Variants in DSCAM observed in about 807,000 individuals in gnomAD.
DSCAM encodes DS cell adhesion molecule.
In DSCAM, 47 loss-of-function variants were observed where a neutral mutation model predicts 217.7. That is an observed-to-expected ratio of 0.22 (90% CI 0.17 to 0.28). The LOEUF (loss-of-function observed/expected upper bound fraction) is 0.28. Ranked by LOEUF, DSCAM falls within the 10% of genes least tolerant of loss-of-function variation. The probability of loss-of-function intolerance (pLI) is 1.00; values close to 1 mark genes in which losing one functional copy is unlikely to be tolerated. For synonymous variants in DSCAM, 1,056 were observed against 1,015.3 expected, an observed-to-expected ratio of 1.04 and a Z score of -0.76; for missense variants, 2,080 against 2,618.3, an observed-to-expected ratio of 0.79 and a Z score of 4.49.
intron 17 of DSCAM, among the ~76,000 whole-genome samples, chr21:40,143,710 G>A (rs1204166891): frequency 6.6e-6 from 1 of 152,168 alleles, no homozygotes; most frequent in Admixed American, 6.5e-5. Flanking sequence ...AGAATGGCGT[G>A]AACCCGGGAG....
intron 4 of DSCAM, among the ~76,000 whole-genome samples, chr21:40,364,660 C>A (rs1487264164): frequency 3.4e-5 from 5 of 147,420 alleles, no homozygotes; most frequent in African/African-American, 1.3e-4. Flanking sequence ...CACGTGTACC[C>A]TAAAACTTAA....
At chr21:40,778,150 G>A (rs537597452) in intron 1 of DSCAM, among the ~76,000 whole-genome samples, 13 of 152,276 alleles carry the variant, frequency 8.5e-5, no homozygotes, top group Admixed American at 2.0e-4. Context: ...TAAAGGATAT[G>A]CTTCAAGAAA....
intron 11 of DSCAM, among the ~76,000 whole-genome samples, chr21:40,189,808 C>T (rs2090936185): frequency 6.6e-6 from 1 of 152,154 alleles, no homozygotes; most frequent in Non-Finnish European, 1.5e-5. Flanking sequence ...GCCTCCCCAG[C>T]CACATGGAAC....
At chr21:40,230,482 CCAGT>C (rs1354531964) in intron 11 of DSCAM, among the ~76,000 whole-genome samples, 4 of 152,088 alleles carry the variant, frequency 2.6e-5, no homozygotes, top group Non-Finnish European at 5.9e-5. Flanking sequence ...GTCGATGGGA[CCAGT>C]CATAGTGGCC....
chr21:40,167,410 T>G (rs2146773814), intron 15 of DSCAM, 122 bp from the exon 16 acceptor site: 1 of 777,990 alleles, frequency 1.3e-6, no homozygotes, highest in Non-Finnish European at 2.2e-6. Context: ...AGAAAGAAGT[T>G]TTTAGCGGTC....
intron 3 of DSCAM, among the ~76,000 whole-genome samples, chr21:40,606,406 A>G (rs2089238992): frequency 6.6e-6 from 1 of 152,222 alleles, no homozygotes; most frequent in African/African-American, 2.4e-5. Flanking sequence ...TCCAGATTTT[A>G]TGTTACCTTT....
chr21:40,724,730 C>T (rs555446724), intron 1 of DSCAM, among the ~76,000 whole-genome samples: 68 of 152,294 alleles, frequency 4.5e-4, no homozygotes, highest in African/African-American at 1.5e-3. Flanking sequence ...AAACCTTTCA[C>T]TCCAGCATTA....
At chr21:40,489,741 C>T (rs933206004) in intron 3 of DSCAM, among the ~76,000 whole-genome samples, 1 of 124,236 alleles carries the variant, frequency 8.0e-6, no homozygotes. Flanking sequence ...CGCCACTGCA[C>T]TCCAGCCTGG....
At chr21:40,785,945 G>T (rs1162923466) in intron 1 of DSCAM, among the ~76,000 whole-genome samples, 2 of 152,122 alleles carry the variant, frequency 1.3e-5, no homozygotes, top group Non-Finnish European at 2.9e-5. Context: ...TCATCTAAAA[G>T]AAATCATCTG....
chr21:40,575,489 T>C (rs1433993167), intron 3 of DSCAM, among the ~76,000 whole-genome samples: 2 of 152,170 alleles, frequency 1.3e-5, no homozygotes, highest in African/African-American at 2.4e-5. Flanking sequence ...TCTACACATA[T>C]ACGGCTCTTT....
chr21:40,844,346 C>T (rs2092127393), intron 1 of DSCAM, among the ~76,000 whole-genome samples: 1 of 152,158 alleles, frequency 6.6e-6, no homozygotes, highest in Non-Finnish European at 1.5e-5. Flanking sequence ...GATCCTAAAG[C>T]TTTACAGCAG....
intron 3 of DSCAM, among the ~76,000 whole-genome samples, chr21:40,565,134 A>G (rs1275807064): frequency 6.6e-6 from 1 of 152,218 alleles, no homozygotes; most frequent in Non-Finnish European, 1.5e-5. Flanking sequence ...TAGCCGAGGT[A>G]CTGGCTTCTC....
intron 1 of DSCAM, among the ~76,000 whole-genome samples, chr21:40,784,871 G>C (rs1440009586): frequency 1.3e-5 from 2 of 152,204 alleles, no homozygotes. Context: ...TGGTTTTTGA[G>C]AAGCACACAG....
At chr21:40,633,342 T>A (rs1020477654) in intron 3 of DSCAM, among the ~76,000 whole-genome samples, 5 of 152,066 alleles carry the variant, frequency 3.3e-5, no homozygotes, top group African/African-American at 1.2e-4. Context: ...CTTCACAAGA[T>A]CTCACAGCAA....
chr21:40,339,504 TGTC>T, intron 6 of DSCAM, 89 bp from the exon 7 acceptor site: 39 of 1,293,042 alleles, frequency 3.0e-5, no homozygotes, highest in Non-Finnish European at 4.0e-5. Flanking sequence ...AGGGGGTAAA[TGTC>T]GTAGTTGTTA....
rs375835535 is a variant in DSCAM, at chr21:40,044,235, C to T, written c.5226G>A (p.Ala1742=). 78 of 1,614,140 alleles carry T rather than the reference C, an allele frequency of 4.8e-5. No individual in the cohort carries two copies. The African/African-American group carries it at 7.7e-4, about 16-fold the overall frequency. ...TCCACTGGCTGGCATAGCGGTTTCT[C>T]GCTGTGGGCCCAGCCTTGGCATTCC... ...TRRNAKAGPT[A]RNRYASQWTL... The change falls in exon 31 of 33, where the codon GCG becomes GCA. Residue 1742 remains alanine, a synonymous_variant. Coordinates refer to ENST00000400454, the MANE Select transcript of DSCAM (RefSeq NM_001389.5).
At position 40,179,037 on chromosome 21, in the gene DSCAM, G is replaced by A. The variant is rs764659283; in HGVS notation, c.2837C>T (p.Thr946Ile). 2 of 1,613,986 alleles carry A rather than the reference G, an allele frequency of 1.2e-6. No individual in the cohort carries two copies. Among genetic ancestry groups the A allele is most frequent in the Admixed American group, 3.3e-5 (2 of 59,994 alleles). Residue 946 changes from threonine (T) to isoleucine (I), a missense_variant, in exon 15 of 33, where the codon ACC (threonine) becomes ATC (isoleucine). This residue lies in a region of DSCAM where 1,144 missense variants were observed against 1,421.1 expected (regional missense o/e 0.81). Transcript: ENST00000400454. ...KDVSPQLNSA[T>I]IIDIHPSSTY... ...GGAGGAAGGGTGGATATCAATGATG[G>A]TGGCCGAGTTCAGCTGAGGGGAAAC...
chr21:40,336,582 T>C (rs1016692232), intron 8 of DSCAM, among the ~76,000 whole-genome samples: 5 of 152,218 alleles, frequency 3.3e-5, no homozygotes, highest in African/African-American at 1.2e-4. Context: ...GGGTAAAACA[T>C]TCCTTCCAAG....
chr21:40,663,359 G>A (rs1476208000), intron 3 of DSCAM, among the ~76,000 whole-genome samples: 1 of 151,866 alleles, frequency 6.6e-6, no homozygotes, highest in Non-Finnish European at 1.5e-5. Flanking sequence ...GAGTGTCCAG[G>A]GCCAGGTCAC....
Sources: gnomAD v4.1 joint callset for allele counts (sites outside exome capture counted in the v4.1 genomes callset) on GRCh38, gnomAD v4.1.1 for gene constraint, gnomAD v4.1.1 regional missense constraint, MANE v1.5 for transcripts, NCBI Gene and HGNC (gene_info 2026-07-23, HGNC 2026-07-21) for gene names.